Variants in PTN observed in about 807,000 individuals in gnomAD.
PTN encodes the protein pleiotrophin.
A neutral mutation model predicts 24.1 loss-of-function variants in PTN; 18 were observed. The observed-to-expected ratio is 0.75, with a 90% confidence interval of 0.52 to 1.11. The LOEUF is 1.11. Ranked by LOEUF, PTN falls within the 50% of genes least tolerant of loss-of-function variation. The pLI is 0.00. For missense variants in PTN, 163 were observed against 198.8 expected, an observed-to-expected ratio of 0.82 and a Z score of 1.08; for synonymous variants, 78 against 68.6, an observed-to-expected ratio of 1.14 and a Z score of -0.67.
At position 137,251,714 on chromosome 7, in the gene PTN, C is replaced by T. The variant is rs766411871; in HGVS notation, c.290-323G>A. On this transcript the variant is annotated intron_variant, in intron 3 of 4. Coordinates refer to ENST00000348225, the MANE Select transcript of PTN (RefSeq NM_002825.7). ...CCTCCTTCCCCACCTCCTTAATCCC[C>T]GGCAACTCCTTATCTGTTCTCTAGC... is the stretch of plus-strand genomic sequence containing the variant. Among the ~76,000 whole-genome samples the T allele has an allele frequency of 2.0e-5, 3 of 151,792 alleles. 1 individual carries two copies. The highest frequency in any genetic ancestry group is 7.3e-5 in the African/African-American group (3 of 41,084).
intron 1 of PTN, among the ~76,000 whole-genome samples, chr7:137,311,327 T>A (rs1213440753): frequency 3.3e-5 from 5 of 152,184 alleles, no homozygotes. Flanking sequence ...TTTGAACTTG[T>A]ATCCAGACCA....
intron 4 of PTN, among the ~76,000 whole-genome samples, chr7:137,244,921 A>G (rs1444239168): frequency 1.3e-5 from 2 of 152,174 alleles, no homozygotes; most frequent in African/African-American, 4.8e-5. Context: ...TTTGGATAGC[A>G]ACTCTCGATA....
chr7:137,277,829 C>G (rs1168867437), intron 1 of PTN, among the ~76,000 whole-genome samples: 1 of 151,924 alleles, frequency 6.6e-6, no homozygotes, highest in Non-Finnish European at 1.5e-5. Context: ...CTAAGCCTCC[C>G]AAAGTGCTTG....
intron 4 of PTN, among the ~76,000 whole-genome samples, chr7:137,235,232 G>A (rs186118326): frequency 3.9e-5 from 6 of 152,176 alleles, no homozygotes; most frequent in South Asian, 2.1e-4. Context: ...TTTGTGAACC[G>A]ATTTAAAGTA....
At chr7:137,285,870 A>C (rs1288809874) in intron 1 of PTN, among the ~76,000 whole-genome samples, 3 of 152,242 alleles carry the variant, frequency 2.0e-5, no homozygotes, top group Non-Finnish European at 4.4e-5. Flanking sequence ...AAATTTTAAA[A>C]GACTGACCAG....
chr7:137,239,971 GGCC>G (rs1808598826), intron 4 of PTN, among the ~76,000 whole-genome samples: 1 of 152,010 alleles, frequency 6.6e-6, no homozygotes. Flanking sequence ...AGCTCTCTTT[GGCC>G]TGAAGGACTT....
chr7:137,307,802 G>T (rs943747225), intron 1 of PTN, among the ~76,000 whole-genome samples: 2 of 152,064 alleles, frequency 1.3e-5, no homozygotes, highest in African/African-American at 4.8e-5. Flanking sequence ...GAAGTAATTT[G>T]CCCAAAGTCA....
chr7:137,295,581 A>T (rs1809706826), intron 1 of PTN, among the ~76,000 whole-genome samples: 1 of 152,134 alleles, frequency 6.6e-6, no homozygotes, highest in Non-Finnish European at 1.5e-5. Context: ...GTATGAAAAA[A>T]ATGAATATAA....
At chr7:137,323,447 C>T (rs1810199070) in intron 1 of PTN, among the ~76,000 whole-genome samples, 1 of 152,126 alleles carries the variant, frequency 6.6e-6, no homozygotes, top group Non-Finnish European at 1.5e-5. Context: ...TGAAGACTGT[C>T]AGTAATTTAA....
At chr7:137,315,114 C>T (rs1037719610) in intron 1 of PTN, among the ~76,000 whole-genome samples, 4 of 152,058 alleles carry the variant, frequency 2.6e-5, no homozygotes, top group African/African-American at 4.8e-5. Context: ...GCTGTGTTCT[C>T]GGGCTTGACG....
rs1809864090 is a variant in PTN, at chr7:137,304,988, AT to A, written c.-2+38450del. On this transcript the variant is annotated intron_variant, in intron 1 of 4. Transcript: ENST00000348225. The stretch of plus-strand genomic sequence containing the variant: ...TAGACTACTCATGCAGCTAGTCTGT[AT>A]TTTACCAAGCATGGCTGAGCAATTC... Among the ~76,000 whole-genome samples, 5 of 152,188 alleles carry A rather than the reference AT, an allele frequency of 3.3e-5. No individual in the cohort carries two copies. The South Asian group carries it at 1.0e-3, about 32-fold the overall frequency.
chr7:137,258,932 C>G (rs6969972), intron 1 of PTN, among the ~76,000 whole-genome samples: 1 of 151,804 alleles, frequency 6.6e-6, no homozygotes, highest in Admixed American at 6.6e-5. Flanking sequence ...TAAAATAGTG[C>G]GAGAATAAAG....
chr7:137,236,572 T>C (rs1358792519), intron 4 of PTN, among the ~76,000 whole-genome samples: 1 of 152,142 alleles, frequency 6.6e-6, no homozygotes, highest in Non-Finnish European at 1.5e-5. Flanking sequence ...CCTTCCTCTA[T>C]CTGTAGACCA....
intron 1 of PTN, among the ~76,000 whole-genome samples, chr7:137,309,901 C>T (rs1193140935): frequency 1.3e-5 from 2 of 152,296 alleles, no homozygotes; most frequent in Admixed American, 6.5e-5. Flanking sequence ...TTTTGACCTC[C>T]TCCCATGAAT....
intron 1 of PTN, among the ~76,000 whole-genome samples, chr7:137,270,717 C>T (rs572645892): frequency 5.9e-5 from 9 of 152,110 alleles, no homozygotes; most frequent in Admixed American, 5.2e-4. Context: ...ATTTAGTGGG[C>T]AAGCTGGAAA....
chr7:137,257,591 G>T (rs1258577315), intron 1 of PTN, among the ~76,000 whole-genome samples: 1 of 152,304 alleles, frequency 6.6e-6, no homozygotes, highest in South Asian at 2.1e-4. Flanking sequence ...TTCCCCAGAG[G>T]CTGGCTGAAA....
At chr7:137,241,293 C>T (rs1216204747) in intron 4 of PTN, among the ~76,000 whole-genome samples, 2 of 152,188 alleles carry the variant, frequency 1.3e-5, no homozygotes, top group African/African-American at 4.8e-5. Flanking sequence ...TCTATAGCCT[C>T]AGTTTCCTTG....
intron 4 of PTN, among the ~76,000 whole-genome samples, chr7:137,250,010 T>C (rs1358418526): frequency 1.3e-5 from 2 of 152,226 alleles, no homozygotes; most frequent in Non-Finnish European, 1.5e-5. Context: ...GCAGATTTTT[T>C]TTTTCTACTT....
chr7:137,256,395 T>A (rs1028257575), intron 1 of PTN, among the ~76,000 whole-genome samples: 1 of 152,130 alleles, frequency 6.6e-6, no homozygotes, highest in Non-Finnish European at 1.5e-5. Flanking sequence ...CAACTCCCAG[T>A]TATGAGTGAG....
Sources: gnomAD v4.1 joint callset for allele counts (sites outside exome capture counted in the v4.1 genomes callset) on GRCh38, gnomAD v4.1.1 for gene constraint, MANE v1.5 for transcripts, NCBI Gene and HGNC (gene_info 2026-07-23, HGNC 2026-07-21) for gene names.